Variants in RBMS3 observed in about 807,000 individuals in gnomAD.
RBMS3 encodes RNA-binding motif, single-stranded-interacting protein 3.
In RBMS3, 27 loss-of-function variants were observed where a neutral mutation model predicts 66.8. The observed-to-expected ratio is 0.40, with a 90% confidence interval of 0.30 to 0.56. RBMS3 has a LOEUF of 0.56. Among genes scored for constraint, RBMS3 ranks in the 20% least tolerant of loss-of-function variants. RBMS3 has a pLI of 0.40. For missense variants in RBMS3, 513 were observed against 549.5 expected (o/e 0.93, Z 0.66); for synonymous variants, 188 against 183.0 (o/e 1.03, Z -0.22).
chr3:29,736,023 C>A (rs1011212477), intron 4 of RBMS3, among the ~76,000 whole-genome samples: 2 of 152,104 alleles, frequency 1.3e-5, no homozygotes, highest in Admixed American at 6.5e-5. Context: ...GGAAAGAGTT[C>A]TTTGTTTCAT....
At chr3:29,532,281 T>TATA (rs2045392095) in intron 3 of RBMS3, among the ~76,000 whole-genome samples, 8 of 142,840 alleles carry the variant, frequency 5.6e-5, no homozygotes, top group Non-Finnish European at 1.1e-4. Flanking sequence ...TATATATATA[T>TATA]TTCCATAGAC....
At chr3:29,350,637 A>G (rs2036855322) in intron 1 of RBMS3, among the ~76,000 whole-genome samples, 1 of 152,122 alleles carries the variant, frequency 6.6e-6, no homozygotes, top group Non-Finnish European at 1.5e-5. Flanking sequence ...CTGCTCTGAA[A>G]GTGTCTGTCT....
chr3:29,707,772 G>C (rs1287481391), intron 4 of RBMS3, among the ~76,000 whole-genome samples: 2 of 152,186 alleles, frequency 1.3e-5, no homozygotes, highest in Non-Finnish European at 2.9e-5. Context: ...CTTGCCAAAC[G>C]AGGGTAGGAA....
intron 2 of RBMS3, among the ~76,000 whole-genome samples, chr3:29,438,451 AAG>A (rs2041484377): frequency 1.3e-5 from 2 of 152,124 alleles, no homozygotes; most frequent in South Asian, 4.1e-4. Flanking sequence ...ATTAAAGAAA[AAG>A]AAATTGCATT....
chr3:29,791,021 G>A (rs2056991599), intron 6 of RBMS3, among the ~76,000 whole-genome samples: 1 of 152,170 alleles, frequency 6.6e-6, no homozygotes, highest in African/African-American at 2.4e-5. Flanking sequence ...AAATCAGAGT[G>A]AACCCTCACA....
intron 3 of RBMS3, among the ~76,000 whole-genome samples, chr3:29,579,774 A>G (rs2047260771): frequency 6.6e-6 from 1 of 152,158 alleles, no homozygotes; most frequent in South Asian, 2.1e-4. Context: ...CCCAGAGGTT[A>G]ATCTGCCCAT....
intron 2 of RBMS3, among the ~76,000 whole-genome samples, chr3:29,458,029 A>G (rs766318039): frequency 2.6e-4 from 40 of 152,088 alleles, no homozygotes; most frequent in Admixed American, 5.2e-4. Flanking sequence ...GCTCTTCCTG[A>G]CTCAGAAATT....
chr3:29,284,105 G>A (rs2032055544), intron 1 of RBMS3, among the ~76,000 whole-genome samples: 2 of 152,146 alleles, frequency 1.3e-5, no homozygotes, highest in South Asian at 4.2e-4. Context: ...TGAAGTACAT[G>A]CTGCTTATAT....
intron 1 of RBMS3, among the ~76,000 whole-genome samples, chr3:29,353,153 G>A (rs554776393): frequency 3.3e-5 from 5 of 151,878 alleles, no homozygotes; most frequent in East Asian, 1.9e-4. Flanking sequence ...TGATAAATAT[G>A]TCTGATTCTG....
chr3:29,911,648 G>T (rs1312226015), intron 10 of RBMS3, among the ~76,000 whole-genome samples: 1 of 152,048 alleles, frequency 6.6e-6, no homozygotes, highest in Non-Finnish European at 1.5e-5. Context: ...GTGAAAGTGA[G>T]ATTTCTACTC....
At chr3:29,576,105 T>A (rs950441208) in intron 3 of RBMS3, among the ~76,000 whole-genome samples, 1 of 152,162 alleles carries the variant, frequency 6.6e-6, no homozygotes, top group African/African-American at 2.4e-5. Context: ...AGGTATTTAT[T>A]GTTGTGTTCA....
chr3:29,549,710 A>G (rs10865827), intron 3 of RBMS3, among the ~76,000 whole-genome samples: 22,418 of 152,094 alleles, frequency 0.15, 1,996 homozygotes, highest in Non-Finnish European at 0.21. Context: ...TTTTAAAAAC[A>G]TTAACCAGAA....
At chr3:29,837,383 T>C (rs1272341775) in intron 6 of RBMS3, among the ~76,000 whole-genome samples, 1 of 151,826 alleles carries the variant, frequency 6.6e-6, no homozygotes, top group Non-Finnish European at 1.5e-5. Flanking sequence ...TTTGCTTTTC[T>C]TCACACTTTA....
chr3:29,978,092 A>G (rs1697718514), intron 12 of RBMS3, among the ~76,000 whole-genome samples: 2 of 152,196 alleles, frequency 1.3e-5, no homozygotes, highest in South Asian at 4.1e-4. Context: ...GTGTTTGTGC[A>G]GGCTGTATTA....
intron 4 of RBMS3, among the ~76,000 whole-genome samples, chr3:29,683,093 T>A (rs2051565427): frequency 6.6e-6 from 1 of 152,112 alleles, no homozygotes; most frequent in East Asian, 1.9e-4. Context: ...GGGTGAAAAA[T>A]CAAGCTTTGC....
intron 4 of RBMS3, among the ~76,000 whole-genome samples, chr3:29,603,222 T>A (rs2048206914): frequency 6.6e-6 from 1 of 151,966 alleles, no homozygotes; most frequent in Admixed American, 6.6e-5. Flanking sequence ...AATGTCCCAG[T>A]TTTACAAATG....
intron 3 of RBMS3, among the ~76,000 whole-genome samples, chr3:29,548,464 C>T (rs796785950): frequency 4.7e-5 from 7 of 150,002 alleles, no homozygotes; most frequent in African/African-American, 1.5e-4. Context: ...AACAAAACGA[C>T]GTTAATGAAG....
intron 10 of RBMS3, among the ~76,000 whole-genome samples, chr3:29,908,357 C>T (rs1027479256): frequency 1.3e-5 from 2 of 152,108 alleles, no homozygotes; most frequent in Admixed American, 6.5e-5. Context: ...ATGATCAAAT[C>T]AATTGGATTG....
At chr3:29,338,805 T>C (rs1293865072) in intron 1 of RBMS3, among the ~76,000 whole-genome samples, 1 of 151,956 alleles carries the variant, frequency 6.6e-6, no homozygotes, top group African/African-American at 2.4e-5. Flanking sequence ...TTTGCATGAG[T>C]AATGTCTCTT....
Sources: allele counts gnomAD v4.1 joint callset (sites outside exome capture counted in the v4.1 genomes callset), GRCh38; gene constraint gnomAD v4.1.1; transcripts MANE v1.5; gene names NCBI Gene and HGNC (gene_info 2026-07-23, HGNC 2026-07-21).